MYO3B: variants seen among roughly 807,000 people sequenced by gnomAD.
The protein encoded by MYO3B is myosin IIIB, also known as myosin-IIIb.
MYO3B carries 156 observed loss-of-function variants against 174.6 expected under a neutral mutation model. That is an observed-to-expected ratio of 0.89 (90% CI 0.78 to 1.02). MYO3B has a LOEUF of 1.02. MYO3B is among the 50% of genes least tolerant of loss of function. The probability of loss-of-function intolerance (pLI) is 0.00; values close to 1 mark genes in which losing one functional copy is unlikely to be tolerated. For missense variants in MYO3B, 1,632 were observed against 1,639.4 expected, an observed-to-expected ratio of 1.00 and a Z score of 0.08; for synonymous variants, 563 against 569.1, an observed-to-expected ratio of 0.99 and a Z score of 0.15.
intron 1 of MYO3B, among the ~76,000 whole-genome samples, chr2:170,197,803 C>T (rs539167966): frequency 6.6e-6 from 1 of 152,192 alleles, no homozygotes; most frequent in South Asian, 2.1e-4. Context: ...GCATAAATAA[C>T]ATTTTATGGT....
chr2:170,258,787 T>G (rs2093324131), intron 7 of MYO3B, among the ~76,000 whole-genome samples: 2 of 152,124 alleles, frequency 1.3e-5, no homozygotes, highest in Non-Finnish European at 2.9e-5. Context: ...TCACTGATGA[T>G]ATGATTTGAT....
rs753957333 is a variant in MYO3B, at chr2:170,652,977, T to C, written c.3888-6T>C. ...GTTGAAAATCCTGTTGTTTTCTTTG[T>C]TGCAGCCAAATCAAAGTACTTGATG... On this transcript the variant is annotated splice_region_variant and splice_polypyrimidine_tract_variant and intron_variant, in intron 34 of 34. Coordinates refer to ENST00000408978, the MANE Select transcript of MYO3B (RefSeq NM_138995.5). 1 of 1,613,536 alleles carries C rather than the reference T, an allele frequency of 6.2e-7. No homozygotes were observed. Among genetic ancestry groups the C allele is most frequent in the Admixed American group, 1.7e-5 (1 of 59,836 alleles).
At chr2:170,479,154 C>T (rs1056665107) in intron 25 of MYO3B, among the ~76,000 whole-genome samples, 20 of 150,118 alleles carry the variant, frequency 1.3e-4, no homozygotes, top group Admixed American at 1.2e-3. Flanking sequence ...CATGGTGGCA[C>T]ATGCCTGTAA....
At chr2:170,196,437 G>T (rs1017568834) in intron 1 of MYO3B, among the ~76,000 whole-genome samples, 3 of 152,164 alleles carry the variant, frequency 2.0e-5, no homozygotes, top group African/African-American at 7.2e-5. Context: ...GATTGCTTGA[G>T]CCCAGGAGGT....
At chr2:170,539,089 C>T (rs111803317) in intron 30 of MYO3B, among the ~76,000 whole-genome samples, 94 of 152,258 alleles carry the variant, frequency 6.2e-4, no homozygotes, top group African/African-American at 2.1e-3. Flanking sequence ...GGCCAGGATC[C>T]GATCTAGAAT....
intron 16 of MYO3B, among the ~76,000 whole-genome samples, chr2:170,393,886 G>T (rs1422277220): frequency 6.6e-6 from 1 of 152,060 alleles, no homozygotes; most frequent in Non-Finnish European, 1.5e-5. Context: ...AATTAAACAG[G>T]TTCTAGCATT....
At chr2:170,433,544 A>G (rs748381697) in intron 22 of MYO3B, among the ~76,000 whole-genome samples, 1 of 152,234 alleles carries the variant, frequency 6.6e-6, no homozygotes, top group Non-Finnish European at 1.5e-5. Context: ...CTTCAGTCCT[A>G]TAGAATGCCT....
intron 32 of MYO3B, among the ~76,000 whole-genome samples, chr2:170,552,257 G>T (rs543990390): frequency 6.6e-6 from 1 of 152,206 alleles, no homozygotes; most frequent in Non-Finnish European, 1.5e-5. Flanking sequence ...AGACAGGAAG[G>T]TGAGGGAAAG....
intron 10 of MYO3B, 168 bp from the exon 11 acceptor site, chr2:170,382,905 G>T: frequency 3.9e-6 from 2 of 514,448 alleles, no homozygotes; most frequent in Admixed American, 3.3e-5. Context: ...GCAAATATTG[G>T]CATTGTTTTA....
At chr2:170,324,494 G>A (rs2093850855) in intron 7 of MYO3B, among the ~76,000 whole-genome samples, 1 of 152,108 alleles carries the variant, frequency 6.6e-6, no homozygotes, top group Non-Finnish European at 1.5e-5. Flanking sequence ...TCCTAATGTC[G>A]GAGGAGACTG....
chr2:170,493,995 G>A (rs1686675907), intron 25 of MYO3B, among the ~76,000 whole-genome samples: 1 of 152,240 alleles, frequency 6.6e-6, no homozygotes, highest in African/African-American at 2.4e-5. Context: ...TCTCATGAGA[G>A]ACCCTGGGCC....
intron 22 of MYO3B, among the ~76,000 whole-genome samples, chr2:170,426,579 A>G (rs1313274160): frequency 6.6e-6 from 1 of 151,920 alleles, no homozygotes; most frequent in African/African-American, 2.4e-5. Flanking sequence ...CTAGGTGGCA[A>G]GGGTAGAAAC....
At chr2:170,358,918 T>C (rs149843810) in intron 8 of MYO3B, among the ~76,000 whole-genome samples, 3 of 152,324 alleles carry the variant, frequency 2.0e-5, no homozygotes, top group Admixed American at 2.0e-4. Context: ...TCGCTTCTCC[T>C]TGTCTTTGCA....
At chr2:170,539,296 G>A (rs1432771998) in intron 30 of MYO3B, among the ~76,000 whole-genome samples, 7 of 152,166 alleles carry the variant, frequency 4.6e-5, no homozygotes, top group Non-Finnish European at 7.4e-5. Context: ...GCTTTGCGTA[G>A]ACTGTAAGTT....
At chr2:170,641,566 G>C (rs889147232) in intron 32 of MYO3B, 1 of 151,976 alleles carries the variant, frequency 6.6e-6, no homozygotes, top group African/African-American at 2.4e-5. Flanking sequence ...GACCAAAATA[G>C]GAAATTATAT....
In MYO3B at chr2:170,401,485, C is replaced by T. The variant is rs1198755381; in HGVS notation, c.1923C>T (p.Ala641=). ...TATCCTTACTCTTTGTTTCAGCTGC[C>T]TCTGTTCTGTGCATTAGCCCTGAAG... ...VPNAEALQNA[A]SVLCISPEEL... is the part of the protein sequence containing the mutation. The change falls in exon 18 of 35, where the codon GCC becomes GCT. Residue 641 remains alanine (A), a synonymous_variant. Coordinates refer to ENST00000408978, the MANE Select transcript of MYO3B (RefSeq NM_138995.5). The T allele has an allele frequency of 1.9e-6, 3 of 1,613,984 alleles. No homozygotes were observed. Among genetic ancestry groups the T allele is most frequent in the African/African-American group, 1.3e-5 (1 of 74,936 alleles).
intron 7 of MYO3B, among the ~76,000 whole-genome samples, chr2:170,324,941 G>A (rs914157041): frequency 6.6e-6 from 1 of 152,076 alleles, no homozygotes; most frequent in Non-Finnish European, 1.5e-5. Flanking sequence ...ACCCCAGCAG[G>A]TGGTCTTATG....
At chr2:170,411,882 G>A (rs2094548081) in intron 22 of MYO3B, 1 of 152,238 alleles carries the variant, frequency 6.6e-6, no homozygotes, top group Non-Finnish European at 1.5e-5. Context: ...AAGGTTCTCA[G>A]TGACCTTGTG....
intron 30 of MYO3B, among the ~76,000 whole-genome samples, chr2:170,528,380 C>T (rs2106163899): frequency 6.6e-6 from 1 of 152,278 alleles, no homozygotes; most frequent in South Asian, 2.1e-4. Context: ...CCCATGCCTG[C>T]CATGTGATCC....
Sources: gnomAD v4.1 joint callset for allele counts (sites outside exome capture counted in the v4.1 genomes callset) on GRCh38, gnomAD v4.1.1 for gene constraint, MANE v1.5 for transcripts, NCBI Gene and HGNC (gene_info 2026-07-23, HGNC 2026-07-21) for gene names.